TET2: variants seen among roughly 807,000 people sequenced by gnomAD.
The protein encoded by TET2 is tet methylcytosine dioxygenase 2.
In TET2, 299 loss-of-function variants were observed where a neutral mutation model predicts 142.9. That is an observed-to-expected ratio of 2.09 (90% CI 1.90 to 2.30). The LOEUF is 2.30. TET2 is among the 30% of genes most tolerant of loss of function. The probability of loss-of-function intolerance (pLI) is 0.00; values close to 1 mark genes in which losing one functional copy is unlikely to be tolerated. For synonymous variants in TET2, 819 were observed against 849.0 expected (o/e 0.96, Z 0.61); for missense variants, 2,418 against 2,378.0 (o/e 1.02, Z -0.35).
At chr4:105,212,771 C>A (rs974616601) in intron 2 of TET2, among the ~76,000 whole-genome samples, 1 of 152,078 alleles carries the variant, frequency 6.6e-6, no homozygotes, top group South Asian at 2.1e-4. Flanking sequence ...GGGTGGATCA[C>A]CTGAAGTCAG....
intron 3 of TET2, chr4:105,240,073 A>G (rs1729209080): frequency 4.2e-6 from 1 of 235,338 alleles, no homozygotes; most frequent in Non-Finnish European, 9.1e-6. Flanking sequence ...GGCACCCCCC[A>G]AAAATTAGAA....
intron 1 of TET2, chr4:105,172,581 G>A (rs776511536): frequency 6.6e-6 from 1 of 152,050 alleles, no homozygotes; most frequent in Non-Finnish European, 1.5e-5. Flanking sequence ...GTTCAAACCT[G>A]TATTTTAAGG....
chr4:105,257,833 A>G (rs576395585), intron 6 of TET2, among the ~76,000 whole-genome samples: 1 of 152,306 alleles, frequency 6.6e-6, no homozygotes, highest in African/African-American at 2.4e-5. Flanking sequence ...TGATTATTTG[A>G]CAAATGCCTC....
intron 2 of TET2, among the ~76,000 whole-genome samples, chr4:105,211,926 C>G (rs1408212680): frequency 6.6e-6 from 1 of 152,338 alleles, no homozygotes; most frequent in East Asian, 1.9e-4. Context: ...GGAGATCTAT[C>G]TGACTGCAAA....
chr4:105,261,856 T>C lies in TET2; in HGVS notation c.4044+8T>C. ...GATGCATATAATAATCAGGTAAGTTTAAATAATCATTGGCAGCAATTGTAA... is the reference window on the plus strand; with the variant it reads ...GATGCATATAATAATCAGGTAAGTTCAAATAATCATTGGCAGCAATTGTAA... On this transcript the variant is annotated splice_region_variant and intron_variant, in intron 8 of 10. Coordinates refer to ENST00000380013, the MANE Select transcript of TET2 (RefSeq NM_001127208.3). 1.3e-6 allele frequency: 2 copies of C among 1,490,262 alleles called. No individual in the cohort carries two copies. Among genetic ancestry groups the C allele is most frequent in the Admixed American group, 2.0e-5 (1 of 48,956 alleles). 92.3% of individuals were successfully genotyped at this position (1,490,262 alleles called of 1,614,324 possible). A position where few individuals can be genotyped will look rare whatever the true frequency, so the allele number is the denominator to read the frequency against.
At chr4:105,238,044 C>A in intron 3 of TET2, 1 of 548,120 alleles carries the variant, frequency 1.8e-6, no homozygotes, top group Non-Finnish European at 2.5e-6. Flanking sequence ...TACAATAAAG[C>A]AAGTTGTAAG....
chr4:105,241,134 C>T, intron 3 of TET2: 1 of 1,153,392 alleles, frequency 8.7e-7, no homozygotes, highest in South Asian at 3.9e-5. Flanking sequence ...ATATTTTTAT[C>T]CAACAACCAG....
intron 1 of TET2, 115 bp from the exon 2 acceptor site, chr4:105,190,245 T>C (rs769426595): frequency 4.2e-6 from 2 of 472,200 alleles, no homozygotes; most frequent in Non-Finnish European, 7.5e-6. Context: ...ACAGCCACAC[T>C]GTAATGGAAA....
rs1270079031 is a variant in TET2, at chr4:105,278,392, T to C, written c.*1873T>C. 9.6e-6 allele frequency: 2 copies of C among 208,852 alleles called. No homozygotes were observed. Among genetic ancestry groups the C allele is most frequent in the Admixed American group, 1.2e-4 (2 of 16,798 alleles). The allele number at this position is 208,852 out of a possible 1,614,324, so 12.9% of individuals were successfully genotyped here. On this transcript the variant is annotated 3_prime_UTR_variant, in exon 11 of 11. Transcript: ENST00000380013. The stretch of plus-strand genomic sequence containing the variant: ...TGTACCATCATTTTTTTCCAAGTCC[T>C]TTTTTTTATTGTTAAAAAAAAAAGC...
intron 1 of TET2, among the ~76,000 whole-genome samples, chr4:105,151,721 C>T (rs940062144): frequency 2.0e-5 from 3 of 152,080 alleles, no homozygotes. Flanking sequence ...GCTTTATACT[C>T]ACTGAAAGTT....
intron 2 of TET2, among the ~76,000 whole-genome samples, chr4:105,216,894 TC>T (rs1416532341): frequency 2.6e-5 from 4 of 152,126 alleles, no homozygotes; most frequent in African/African-American, 9.7e-5. Flanking sequence ...TTATGATATT[TC>T]CTAGGTAATG....
chr4:105,276,180 T>C lies in TET2; in HGVS notation c.5670T>C (p.Asn1890=), dbSNP rs759422969. ...LHATTPLKNP[N]RNHPTRISLV... Reference sequence around the variant, plus strand: ...CCACAACCCCTTTAAAGAATCCCAATAGGAATCACCCCACCAGGATCTCCC... The same window carrying C: ...CCACAACCCCTTTAAAGAATCCCAACAGGAATCACCCCACCAGGATCTCCC... The change falls in exon 11 of 11, where the codon AAT becomes AAC. Residue 1890 remains asparagine, a synonymous_variant. Transcript: ENST00000380013. 6.4e-7 allele frequency: 1 copy of C among 1,551,376 alleles called. No homozygotes were observed.
chr4:105,147,149 T>C (rs1337204203), intron 1 of TET2, among the ~76,000 whole-genome samples, 170 bp downstream of exon 1: 1 of 152,190 alleles, frequency 6.6e-6, no homozygotes, highest in Non-Finnish European at 1.5e-5. Flanking sequence ...CTGACAAATA[T>C]AGTTTTAATT....
chr4:105,175,980 T>C (rs907040153), intron 1 of TET2, among the ~76,000 whole-genome samples: 5 of 152,058 alleles, frequency 3.3e-5, no homozygotes, highest in Admixed American at 2.6e-4. Context: ...CCTTCAGAAG[T>C]TAAGAAATAA....
intron 2 of TET2, among the ~76,000 whole-genome samples, chr4:105,226,611 CTCCTTCCCTCCCTCTG>C (rs1300804952): frequency 4.0e-4 from 61 of 151,142 alleles, no homozygotes; most frequent in African/African-American, 1.0e-3. Context: ...CCCTCCCTCT[CTCCTTCCCTCCCTCTG>C]TCCTTCCCTC....
At chr4:105,160,907 C>T (rs148151718) in intron 1 of TET2, among the ~76,000 whole-genome samples, 193 of 152,226 alleles carry the variant, frequency 1.3e-3, no homozygotes, top group African/African-American at 4.4e-3. Flanking sequence ...TTCGGAGTAG[C>T]TGGGATTACA....
chr4:105,205,661 C>T (rs1726771857), intron 2 of TET2, among the ~76,000 whole-genome samples: 1 of 151,534 alleles, frequency 6.6e-6, no homozygotes, highest in Admixed American at 6.6e-5. Context: ...TTGAGTTTTT[C>T]ACTCTTGTTG....
At chr4:105,177,500 C>G (rs1443156826) in intron 1 of TET2, 1 of 152,136 alleles carries the variant, frequency 6.6e-6, no homozygotes, top group East Asian at 1.9e-4. Flanking sequence ...AAAGAAGATA[C>G]ACAAGTGTCA....
chr4:105,187,204 AAAC>A (rs1476633784), intron 1 of TET2, among the ~76,000 whole-genome samples: 6 of 152,326 alleles, frequency 3.9e-5, no homozygotes, highest in African/African-American at 1.2e-4. Flanking sequence ...ATTCTGATAA[AAAC>A]AAGTTCTATA....
Sources: gnomAD v4.1 joint callset for allele counts (sites outside exome capture counted in the v4.1 genomes callset) on GRCh38, gnomAD v4.1.1 for gene constraint, MANE v1.5 for transcripts, NCBI Gene and HGNC (gene_info 2026-07-23, HGNC 2026-07-21) for gene names.